The following EXT2 variants were observed in gnomAD, a reference collection of about 807,000 sequenced individuals.
The protein encoded by EXT2 is exostosin-2.
Under a neutral mutation model 81.6 loss-of-function variants are expected in EXT2, and 53 were observed. That is an observed-to-expected ratio of 0.65 (90% CI 0.52 to 0.82). The LOEUF (loss-of-function observed/expected upper bound fraction) is 0.82, where lower values mean the gene tolerates loss of function less well. Among genes scored for constraint, EXT2 ranks in the 40% least tolerant of loss-of-function variants. The pLI, the probability that EXT2 is intolerant of heterozygous loss-of-function variation, is 0.00. For synonymous variants in EXT2, 320 were observed against 340.0 expected (o/e 0.94, Z 0.65); for missense variants, 774 against 910.2 (o/e 0.85, Z 1.93).
chr11:44,162,984 TTAA>T (rs1954947126), intron 7 of EXT2, among the ~76,000 whole-genome samples: 1 of 152,222 alleles, frequency 6.6e-6, no homozygotes, highest in South Asian at 2.1e-4. Flanking sequence ...CCCAGGTATA[TTAA>T]CCTTTTTGCT....
At chr11:44,128,351 G>A (rs888181051) in intron 6 of EXT2, among the ~76,000 whole-genome samples, 2 of 152,188 alleles carry the variant, frequency 1.3e-5, no homozygotes, top group South Asian at 2.1e-4. Flanking sequence ...AGGAGAGCAT[G>A]TAGTTATTCT....
At chr11:44,175,880 A>G (rs1248334345) in intron 8 of EXT2, among the ~76,000 whole-genome samples, 1 of 152,188 alleles carries the variant, frequency 6.6e-6, no homozygotes, top group Non-Finnish European at 1.5e-5. Flanking sequence ...AGGTAGGGAA[A>G]GTGGTAGATT....
intron 9 of EXT2, among the ~76,000 whole-genome samples, chr11:44,204,260 C>T (rs1955555138): frequency 6.6e-6 from 1 of 152,152 alleles, no homozygotes; most frequent in African/African-American, 2.4e-5. Flanking sequence ...GTAGAGTTCT[C>T]CAGAATCTAC....
chr11:44,236,500 G>A, intron 13 of EXT2, 125 bp downstream of exon 13: 1 of 849,336 alleles, frequency 1.2e-6, no homozygotes, highest in South Asian at 1.4e-5. Flanking sequence ...ACCTCCATGT[G>A]CACTGTGGGA....
intron 10 of EXT2, among the ~76,000 whole-genome samples, chr11:44,212,282 C>A (rs1955657806): frequency 7.0e-6 from 1 of 142,536 alleles, no homozygotes. Flanking sequence ...GAGACTCCGT[C>A]TTAAAAAAAT....
rs1956139520 is a variant in EXT2 at position 44,251,745 on chromosome 11, C to G, written c.*7458C>G. Among the ~76,000 whole-genome samples the G allele has an allele frequency of 6.6e-6, 1 of 152,014 alleles. No individual in the cohort carries two copies. The highest frequency in any genetic ancestry group is 1.5e-5 in the Non-Finnish European group (1 of 67,976). Reference sequence around the variant, plus strand: ...TATTGTCTTAAAAAGATTCTTTTCCCTTAAAAAATAAAAAAACCTGATGTG... The same window carrying G: ...TATTGTCTTAAAAAGATTCTTTTCCGTTAAAAAATAAAAAAACCTGATGTG... On this transcript the variant is annotated 3_prime_UTR_variant, in exon 14 of 14. Transcript: ENST00000533608.
intron 8 of EXT2, among the ~76,000 whole-genome samples, chr11:44,173,544 T>G (rs913497279): frequency 5.4e-5 from 8 of 148,522 alleles, no homozygotes; most frequent in Non-Finnish European, 1.2e-4. Flanking sequence ...ACTGCTTTCT[T>G]TTTTTTTCTT....
At chr11:44,212,657 A>G (rs144276246) in intron 10 of EXT2, among the ~76,000 whole-genome samples, 6 of 152,322 alleles carry the variant, frequency 3.9e-5, no homozygotes, top group South Asian at 2.1e-4. Flanking sequence ...CTGCATAAAG[A>G]CTTATAAGAT....
chr11:44,121,140 G>C (rs1954310425), intron 4 of EXT2, among the ~76,000 whole-genome samples: 1 of 152,236 alleles, frequency 6.6e-6, no homozygotes, highest in Non-Finnish European at 1.5e-5. Context: ...TCAAGCCCTA[G>C]TGGGGTGGGA....
intron 7 of EXT2, among the ~76,000 whole-genome samples, chr11:44,166,173 A>G (rs1431875487): frequency 6.6e-6 from 1 of 152,242 alleles, no homozygotes; most frequent in Non-Finnish European, 1.5e-5. Flanking sequence ...AAAAACAATT[A>G]TAGAACAGTA....
chr11:44,236,446 G>A, intron 13 of EXT2, 71 bp downstream of exon 13: 1 of 1,393,324 alleles, frequency 7.2e-7, no homozygotes, highest in East Asian at 2.3e-5. Context: ...CCTGTTTATG[G>A]GGCTTTGTTG....
chr11:44,149,425 CT>C (rs1954763550), intron 7 of EXT2, among the ~76,000 whole-genome samples: 2 of 152,092 alleles, frequency 1.3e-5, no homozygotes, highest in Admixed American at 1.3e-4. Flanking sequence ...TGTTCTATTT[CT>C]TTTTTCTGTA....
Position 44,124,982 on chromosome 11 carries a change from C to G in EXT2, c.937C>G (p.Gln313Glu), listed in dbSNP as rs763718818. Residue 313 changes from glutamine (Q) to glutamate (E), a missense_variant and splice_region_variant, in exon 5 of 14, where the codon CAG (glutamine) becomes GAG (glutamate). By Grantham distance (29) the Gln-to-Glu change is conservative. Coordinates refer to ENST00000533608, the MANE Select transcript of EXT2 (RefSeq NM_207122.2). Reference protein sequence around the residue: ...HQVFDYPQVLQEATFCVVLRG... With the variant: ...HQVFDYPQVLEEATFCVVLRG... ...GGTCTTCGATTACCCACAGGTGCTA[C>G]AGGTGAGTGTCATTCATTACCTCTC... 1.2e-6 allele frequency: 2 copies of G among 1,612,476 alleles called. No homozygotes were observed. Among genetic ancestry groups the G allele is most frequent in the South Asian group, 2.2e-5 (2 of 91,034 alleles).
intron 11 of EXT2, among the ~76,000 whole-genome samples, chr11:44,233,453 T>G (rs1260069080): frequency 6.6e-6 from 1 of 152,184 alleles, no homozygotes; most frequent in Non-Finnish European, 1.5e-5. Context: ...TCACTTCGTG[T>G]TTTTGACTCT....
chr11:44,126,970 C>G lies in EXT2; in HGVS notation c.1079+15C>G. ...GACTGGAAGAGGTGGGTAGTACCTC[C>G]TAGTAAACTCTACATTAGTGGTTCT... is the stretch of plus-strand genomic sequence containing the variant. On this transcript the variant is annotated intron_variant, in intron 6 of 13. Coordinates refer to ENST00000533608, the MANE Select transcript of EXT2 (RefSeq NM_207122.2). 1 of 1,613,502 alleles carries G rather than the reference C, an allele frequency of 6.2e-7. No individual in the cohort carries two copies. Among genetic ancestry groups the G allele is most frequent in the Middle Eastern group, 1.7e-4 (1 of 6,058 alleles).
chr11:44,136,395 G>C (rs1954567634), intron 7 of EXT2, among the ~76,000 whole-genome samples: 1 of 152,194 alleles, frequency 6.6e-6, no homozygotes, highest in Non-Finnish European at 1.5e-5. Context: ...GGACAGACAA[G>C]CAGCACACTC....
intron 1 of EXT2, among the ~76,000 whole-genome samples, chr11:44,098,917 C>T (rs1284928113): frequency 1.3e-5 from 2 of 152,094 alleles, no homozygotes; most frequent in Admixed American, 6.5e-5. Context: ...AACTTGGATG[C>T]TAAACCGTGT....
intron 11 of EXT2, among the ~76,000 whole-genome samples, chr11:44,232,760 C>A (rs1330586990): frequency 6.6e-6 from 1 of 152,148 alleles, no homozygotes; most frequent in African/African-American, 2.4e-5. Flanking sequence ...CTATTTCCAG[C>A]TTGCCGTTTA....
chr11:44,144,709 C>T (rs567206697), intron 7 of EXT2, among the ~76,000 whole-genome samples: 1 of 152,218 alleles, frequency 6.6e-6, no homozygotes, highest in Non-Finnish European at 1.5e-5. Context: ...AAACATGACT[C>T]AGGCTTCCCC....
Sources: allele counts gnomAD v4.1 joint callset (sites outside exome capture counted in the v4.1 genomes callset), GRCh38; gene constraint gnomAD v4.1.1; transcripts MANE v1.5; gene names NCBI Gene and HGNC (gene_info 2026-07-23, HGNC 2026-07-21).